Variants in ZNF341 observed in about 807,000 individuals in gnomAD.
The protein encoded by ZNF341 is zinc finger protein 341.
In ZNF341, 52 loss-of-function variants were observed where a neutral mutation model predicts 87.7. The ratio of observed to expected loss-of-function variants is 0.59; its 90% CI spans 0.47 to 0.75. ZNF341 has a LOEUF of 0.75. Ranked by LOEUF, ZNF341 falls within the 30% of genes least tolerant of loss-of-function variation. The probability of loss-of-function intolerance (pLI) is 0.00; values close to 1 mark genes in which losing one functional copy is unlikely to be tolerated. For synonymous variants in ZNF341, 459 were observed against 472.7 expected, an observed-to-expected ratio of 0.97 and a Z score of 0.38; for missense variants, 977 against 1,145.9, an observed-to-expected ratio of 0.85 and a Z score of 2.13.
intron 1 of ZNF341, among the ~76,000 whole-genome samples, chr20:33,733,027 A>G (rs995509244): frequency 2.0e-5 from 3 of 152,136 alleles, no homozygotes; most frequent in Non-Finnish European, 4.4e-5. Flanking sequence ...GCAGCTTCCT[A>G]GGAGATCTCA....
At chr20:33,756,324 C>T (rs1343418753) in intron 5 of ZNF341, among the ~76,000 whole-genome samples, 1 of 151,222 alleles carries the variant, frequency 6.6e-6, no homozygotes, top group Non-Finnish European at 1.5e-5. Flanking sequence ...AGTGGAGCAG[C>T]TGGGGGAGCA....
chr20:33,761,238 T>C (rs2019283549), intron 7 of ZNF341, among the ~76,000 whole-genome samples: 1 of 152,006 alleles, frequency 6.6e-6, no homozygotes, highest in Non-Finnish European at 1.5e-5. Context: ...ACTTGAATGT[T>C]TTTTGCTTCA....
rs747750163 is a variant in ZNF341 at position 33,732,734 on chromosome 20, C to G, written c.31+682C>G. Among the ~76,000 whole-genome samples, 1 of 152,212 alleles carries G rather than the reference C, an allele frequency of 6.6e-6. No homozygotes were observed. Among genetic ancestry groups the G allele is most frequent in the African/African-American group, 2.4e-5 (1 of 41,462 alleles). On this transcript the variant is annotated intron_variant, in intron 1 of 14. Coordinates refer to ENST00000375200, the MANE Select transcript of ZNF341 (RefSeq NM_001282933.2). This position sits in a 1 kb window ranked among gnomAD's most constrained non-coding sequence, Gnocchi z 4.5. ...ACCCAGGCCAGCAAACGCTGGGTGC[C>G]GACAGACTGTTCCGTGCTCTGCAAG...
Position 33,791,221 on chromosome 20 carries a change from G to T in ZNF341, c.2269G>T (p.Gly757Cys), listed in dbSNP as rs370107539. The T allele has an allele frequency of 3.1e-6, 5 of 1,612,062 alleles. No individual in the cohort carries two copies. Among genetic ancestry groups the T allele is most frequent in the African/African-American group, 1.3e-5 (1 of 75,052 alleles). ...GAGGAGGGCAGCCCCCCGCAGTTGC[G>T]GCAGTGGTGGGCGCAAGGTGCTGAC... ...PQRRAAPRSC[G>C]SGGRKVLTPL... Residue 757 changes from glycine to cysteine, a missense_variant, in exon 15 of 15, where the codon GGC becomes TGC. By Grantham distance (159) the Gly-to-Cys change is radical (BLOSUM62 -3). Transcript: ENST00000375200.
At chr20:33,775,521 T>A (rs1260172889) in intron 10 of ZNF341, among the ~76,000 whole-genome samples, 2 of 151,402 alleles carry the variant, frequency 1.3e-5, no homozygotes, top group African/African-American at 4.9e-5. Flanking sequence ...TTTTTTTTTT[T>A]TTTAAAGATT....
At chr20:33,741,095 G>A in intron 2 of ZNF341, 83 bp downstream of exon 2, 1 of 1,313,018 alleles carries the variant, frequency 7.6e-7, no homozygotes, top group Non-Finnish European at 1.1e-6. Context: ...GGCTGTGGGA[G>A]TGAAATGCTT....
rs749754183 is a variant in ZNF341 at position 33,770,122 on chromosome 20, C to T, written c.1452C>T (p.Phe484=). ...TGGTCAAAAGCTGTGCCCAGACGTT[C>T]CCAAAGCTCGACACATTTCTGGAGC... ...KCVVKSCAQT[F]PKLDTFLEHI... The change falls in exon 10 of 15, where the codon TTC becomes TTT. Residue 484 remains phenylalanine (F), a synonymous_variant. Transcript: ENST00000375200. The T allele has an allele frequency of 8.2e-5, 132 of 1,613,858 alleles. No individual in the cohort carries two copies. Among genetic ancestry groups the T allele is most frequent in the Non-Finnish European group, 1.1e-4 (130 of 1,179,948 alleles).
chr20:33,776,428 C>T (rs1185022115), intron 10 of ZNF341, among the ~76,000 whole-genome samples: 2 of 150,876 alleles, frequency 1.3e-5, no homozygotes, highest in East Asian at 2.0e-4. Context: ...CACTCTGTCA[C>T]CCAGGCTAGA....
rs1170218441 is a variant in ZNF341, at chr20:33,767,059, G to C, written c.1413+18G>C. 6.2e-7 allele frequency: 1 copy of C among 1,603,910 alleles called. No individual in the cohort carries two copies. The highest frequency in any genetic ancestry group is 8.5e-7 in the Non-Finnish European group (1 of 1,174,622). ...ATGAGCAGGTAGGTGGATGGTGGCAGCAGGGGCCCACACCACACCAGTCGA... is the reference window on the plus strand; with the variant it reads ...ATGAGCAGGTAGGTGGATGGTGGCACCAGGGGCCCACACCACACCAGTCGA... On this transcript the variant is annotated intron_variant, in intron 9 of 14. Transcript: ENST00000375200.
chr20:33,757,313 C>T lies in ZNF341; in HGVS notation c.907C>T (p.Arg303Ter), dbSNP rs561674641. The change falls in exon 6 of 15, where the codon CGA (arginine) becomes TGA (stop). Residue 303 changes from arginine (R) to a stop codon, truncating the protein, a stop_gained. Transcript: ENST00000375200. LOFTEE classifies it high-confidence loss of function. Reference sequence around the variant, plus strand: ...CTCTCCAGCAACGCTGAAGACCCGACGAGCTAAAGGTGCCAGGGGACTCCC... The same window carrying T: ...CTCTCCAGCAACGCTGAAGACCCGATGAGCTAAAGGTGCCAGGGGACTCCC... ...FDSPATLKTR[R>*]AKGARGLPEA... The T allele has an allele frequency of 6.9e-6, 11 of 1,584,012 alleles. No homozygotes were observed. The highest frequency in any genetic ancestry group is 4.1e-5 in the African/African-American group (3 of 73,514).
In ZNF341 at chr20:33,772,132, C is replaced by T. The variant is rs191953467; in HGVS notation, c.1622+1840C>T. On this transcript the variant is annotated intron_variant, in intron 10 of 14. Transcript: ENST00000375200. ...TTTCTGGTCTGTTTTGCCAGGTCTTCCTTTGTTGATGGTGTTATTTGCAGT... is the reference window on the plus strand; with the variant it reads ...TTTCTGGTCTGTTTTGCCAGGTCTTTCTTTGTTGATGGTGTTATTTGCAGT... 4.3e-3 allele frequency among the ~76,000 whole-genome samples: 642 copies of T among 150,772 alleles called. 1 individual carries two copies. The highest frequency in any genetic ancestry group is 6.0e-3 in the Non-Finnish European group (404 of 67,870).
Position 33,745,116 on chromosome 20 carries a change from A to G in ZNF341, c.156A>G (p.Val52=), listed in dbSNP as rs1601238173. 1.2e-6 allele frequency: 2 copies of G among 1,611,084 alleles called. No individual in the cohort carries two copies. The highest frequency in any genetic ancestry group is 8.5e-7 in the Non-Finnish European group (1 of 1,177,498). ...PAIQPLDDED[V]FLCGKCKKQF... is the part of the protein sequence containing the mutation. Reference sequence around the variant, plus strand: ...GTATGACCCCAGATGACGAGGATGTATTTCTCTGCGGGAAGTGTAAGAAGC... The same window carrying G: ...GTATGACCCCAGATGACGAGGATGTGTTTCTCTGCGGGAAGTGTAAGAAGC... Residue 52 remains valine, a synonymous_variant, in exon 3 of 15, where the codon GTA becomes GTG. Transcript: ENST00000375200.
chr20:33,742,316 C>G (rs982695382), intron 2 of ZNF341, among the ~76,000 whole-genome samples: 2 of 152,188 alleles, frequency 1.3e-5, no homozygotes, highest in Admixed American at 1.3e-4. Context: ...CCTGCCTCAG[C>G]CTCCTGAGTA....
At chr20:33,771,005 C>G (rs944189393) in intron 10 of ZNF341, among the ~76,000 whole-genome samples, 3 of 151,722 alleles carry the variant, frequency 2.0e-5, no homozygotes, top group Non-Finnish European at 2.9e-5. Context: ...GCCTGTAGTC[C>G]CAGCTACTTG....
intron 3 of ZNF341, among the ~76,000 whole-genome samples, chr20:33,746,564 C>T (rs1427153683): frequency 3.3e-5 from 5 of 151,910 alleles, no homozygotes; most frequent in Non-Finnish European, 5.9e-5. Context: ...ACATGGGAGC[C>T]ATTGGAGGCT....
At chr20:33,780,312 A>G (rs943436568) in intron 10 of ZNF341, among the ~76,000 whole-genome samples, 1 of 151,976 alleles carries the variant, frequency 6.6e-6, no homozygotes, top group Non-Finnish European at 1.5e-5. Context: ...GAGAAGGATG[A>G]GGTCTGAGAG....
In ZNF341 at chr20:33,781,330, C is replaced by T; in HGVS notation, c.1662C>T (p.Ala554=). 1 of 1,614,114 alleles carries T rather than the reference C, an allele frequency of 6.2e-7. No individual in the cohort carries two copies. The highest frequency in any genetic ancestry group is 2.2e-5 in the East Asian group (1 of 44,884). The change falls in exon 11 of 15, where the codon GCC becomes GCT. Residue 554 remains alanine (A), a synonymous_variant. Coordinates refer to ENST00000375200, the MANE Select transcript of ZNF341 (RefSeq NM_001282933.2). ...TCAACAAATACTCCACCCCTGAGGC[C>T]CTGGAGCACCACCTGCAGACCGCCA... ...KCVNKYSTPE[A]LEHHLQTATH...
chr20:33,754,112 C>T (rs1019902084), intron 5 of ZNF341, among the ~76,000 whole-genome samples: 1 of 152,162 alleles, frequency 6.6e-6, no homozygotes, highest in Non-Finnish European at 1.5e-5. Flanking sequence ...CACAGAATCA[C>T]TTCTATTGGC....
In ZNF341 at chr20:33,745,262, C is replaced by G; in HGVS notation, c.302C>G (p.Thr101Arg). The G allele has an allele frequency of 6.2e-7, 1 of 1,614,130 alleles. No individual in the cohort carries two copies. The highest frequency in any genetic ancestry group is 8.5e-7 in the Non-Finnish European group (1 of 1,179,968). The change falls in exon 3 of 15, where the codon ACA becomes AGA. Residue 101 changes from threonine to arginine, a missense_variant. Thr to Arg is a moderately conservative substitution (Grantham distance 71, BLOSUM62 -1). This residue lies in a region of ZNF341 where 515 missense variants were observed against 598.2 expected (regional missense o/e 0.86). Transcript: ENST00000375200. Reference protein sequence around the residue: ...NSIYPPSAAPTAVQQAPTPAN... With the variant: ...NSIYPPSAAPRAVQQAPTPAN... The stretch of plus-strand genomic sequence containing the variant: ...ATCTACCCACCTTCGGCAGCACCCA[C>G]AGCGGTCCAGCAGGCCCCAACTCCT...
Sources: allele counts gnomAD v4.1 joint callset (sites outside exome capture counted in the v4.1 genomes callset), GRCh38; gene constraint gnomAD v4.1.1; regional missense constraint gnomAD v4.1.1; non-coding constraint Gnocchi (gnomAD v3.1); transcripts MANE v1.5; gene names NCBI Gene and HGNC (gene_info 2026-07-23, HGNC 2026-07-21).